WFDC10B: variants seen among roughly 807,000 people sequenced by gnomAD.
WFDC10B encodes the protein WAP four-disulfide core domain 10B, also known as protein WFDC10B.
A neutral mutation model predicts 2.7 loss-of-function variants in WFDC10B; 1 was observed. The ratio of observed to expected loss-of-function variants is 0.38; its 90% CI spans 0.13 to 1.79. The LOEUF (loss-of-function observed/expected upper bound fraction) is 1.79, where lower values mean the gene tolerates loss of function less well. Ranked by LOEUF, WFDC10B falls within the 40% of genes most tolerant of loss-of-function variation. WFDC10B has a pLI of 0.33. For synonymous variants in WFDC10B, 26 were observed against 32.2 expected, an observed-to-expected ratio of 0.81 and a Z score of 0.65; for missense variants, 71 against 87.8, an observed-to-expected ratio of 0.81 and a Z score of 0.76.
intron 2 of WFDC10B, among the ~76,000 whole-genome samples, chr20:45,689,834 T>A (rs1308701395): frequency 6.6e-6 from 1 of 152,208 alleles, no homozygotes; most frequent in East Asian, 1.9e-4. Context: ...ACACTTTATT[T>A]CCTTCTCCTG....
chr20:45,688,938 T>C (rs1381739318), intron 2 of WFDC10B, among the ~76,000 whole-genome samples: 2 of 151,962 alleles, frequency 1.3e-5, no homozygotes, highest in Non-Finnish European at 2.9e-5. Context: ...TGAATGGTAA[T>C]GCCTAGGTTT....
In WFDC10B at chr20:45,704,556, G is replaced by A. The variant is rs1984308284; in HGVS notation, c.-124C>T. 7 of 1,614,148 alleles carry A rather than the reference G, an allele frequency of 4.3e-6. No homozygotes were observed. The East Asian group carries it at 1.1e-4, about 26-fold the overall frequency. The stretch of plus-strand genomic sequence containing the variant: ...TTCAGTGCTGTTCCTCCTTCTGTGG[G>A]ATAGTCTGTTCATCAGAAACATTTC... On this transcript the variant is annotated 5_prime_UTR_variant, in exon 2 of 4. Coordinates refer to ENST00000330523, the MANE Select transcript of WFDC10B (RefSeq NM_172006.2).
Position 45,684,868 on chromosome 20 carries a change from A to G in WFDC10B, c.184T>C (p.Ser62Pro). 1.2e-6 allele frequency: 2 copies of G among 1,614,040 alleles called. No homozygotes were observed. The highest frequency in any genetic ancestry group is 2.7e-5 in the African/African-American group (2 of 75,018). ...QKCETNKICCSAFCGNICMSI... is the reference protein window; with the variant it reads ...QKCETNKICCPAFCGNICMSI... ...ATACAAATGTTCCCACAGAAGGCTGAACAGCATATCTTATTTGTTTCACAC... is the reference window on the plus strand; with the variant it reads ...ATACAAATGTTCCCACAGAAGGCTGGACAGCATATCTTATTTGTTTCACAC... The change falls in exon 4 of 4, where the codon TCA becomes CCA. Residue 62 changes from serine to proline, a missense_variant. Physicochemically the swap from Ser to Pro is moderately conservative, Grantham distance 74. Coordinates refer to ENST00000330523, the MANE Select transcript of WFDC10B (RefSeq NM_172006.2).
chr20:45,700,275 G>A (rs1256861070), intron 2 of WFDC10B, among the ~76,000 whole-genome samples: 4 of 152,130 alleles, frequency 2.6e-5, no homozygotes, highest in African/African-American at 9.7e-5. Flanking sequence ...AAACAGAGTT[G>A]AGAGTTCAAG....
In WFDC10B at chr20:45,704,429, T is replaced by C. The variant is rs553727032; in HGVS notation, c.-65+68A>G. On this transcript the variant is annotated intron_variant, in intron 2 of 3. Coordinates refer to ENST00000330523, the MANE Select transcript of WFDC10B (RefSeq NM_172006.2). Reference sequence around the variant, plus strand: ...CTGTTGGTGAGGCCCTTCTCTTACTTGTTCTGTGTTCCAGAGTATATCTTG... The same window carrying C: ...CTGTTGGTGAGGCCCTTCTCTTACTCGTTCTGTGTTCCAGAGTATATCTTG... 442 of 1,607,730 alleles carry C rather than the reference T, an allele frequency of 2.7e-4. 4 individuals carry two copies. In the South Asian group the frequency reaches 4.5e-3, roughly 16 times the overall value.
intron 2 of WFDC10B, among the ~76,000 whole-genome samples, chr20:45,703,932 A>G (rs541375268): frequency 6.6e-6 from 1 of 152,258 alleles, no homozygotes; most frequent in South Asian, 2.1e-4. Flanking sequence ...CTGATCCAGT[A>G]CCTTCAGTTT....
At chr20:45,686,670 CTT>C (rs533781458) in intron 2 of WFDC10B, among the ~76,000 whole-genome samples, 10 of 143,454 alleles carry the variant, frequency 7.0e-5, no homozygotes, top group Non-Finnish European at 1.1e-4. Context: ...ATAAATTCTT[CTT>C]TTTTTTTTTT....
chr20:45,684,703 G>A lies in WFDC10B; in HGVS notation c.*127C>T, dbSNP rs1483015301. 31 of 1,299,332 alleles carry A rather than the reference G, an allele frequency of 2.4e-5. No individual in the cohort carries two copies. The East Asian group carries it at 6.2e-4, about 26-fold the overall frequency. The allele number at this position is 1,299,332 out of a possible 1,614,324, so 80.5% of individuals were successfully genotyped here. A position where few individuals can be genotyped will look rare whatever the true frequency, so the allele number is the denominator to read the frequency against. ...GACAGGGACAGGGAGTTCAGACACT[G>A]GGGAGGGTGGCATTCCTGTTGATGT... On this transcript the variant is annotated 3_prime_UTR_variant, in exon 4 of 4. Transcript: ENST00000330523.
intron 2 of WFDC10B, among the ~76,000 whole-genome samples, chr20:45,687,465 A>G (rs1039774536): frequency 2.0e-5 from 3 of 152,168 alleles, no homozygotes; most frequent in Non-Finnish European, 4.4e-5. Context: ...TAGTGCTGCA[A>G]TGAACATATG....
At chr20:45,687,995 G>A (rs1222642456) in intron 2 of WFDC10B, among the ~76,000 whole-genome samples, 1 of 148,646 alleles carries the variant, frequency 6.7e-6, no homozygotes, top group Non-Finnish European at 1.5e-5. Context: ...TCTAGCATTA[G>A]GTATATCTCC....
chr20:45,689,387 G>T (rs991755041), intron 2 of WFDC10B, among the ~76,000 whole-genome samples: 1 of 151,656 alleles, frequency 6.6e-6, no homozygotes, highest in Non-Finnish European at 1.5e-5. Context: ...GAAAGTCATT[G>T]GTAGCTTGAT....
intron 2 of WFDC10B, 128 bp from the exon 3 acceptor site, chr20:45,686,184 T>C (rs1250724983): frequency 5.5e-5 from 61 of 1,114,056 alleles, no homozygotes; most frequent in Non-Finnish European, 7.2e-5. Context: ...TCCTTCTCCA[T>C]GTAGGATAGG....
chr20:45,695,976 C>G (rs1458641465), intron 2 of WFDC10B, among the ~76,000 whole-genome samples: 2 of 151,620 alleles, frequency 1.3e-5, no homozygotes, highest in African/African-American at 4.9e-5. Context: ...AAATCTATAA[C>G]TGTAAATACT....
intron 2 of WFDC10B, among the ~76,000 whole-genome samples, chr20:45,686,326 A>G (rs1983616797): frequency 6.6e-6 from 1 of 152,238 alleles, no homozygotes; most frequent in Non-Finnish European, 1.5e-5. Context: ...GGAAAAAAGA[A>G]AAGAAGAAAT....
At chr20:45,703,717 T>C (rs927827758) in intron 2 of WFDC10B, among the ~76,000 whole-genome samples, 16 of 151,982 alleles carry the variant, frequency 1.1e-4, no homozygotes, top group Admixed American at 1.0e-3. Context: ...TACTTGGGGG[T>C]AGGGGAGGAA....
At chr20:45,702,246 A>C in intron 2 of WFDC10B, 1 of 1,587,700 alleles carries the variant, frequency 6.3e-7, no homozygotes, top group Non-Finnish European at 8.6e-7. Context: ...GAGGGAAGTA[A>C]CATGTGTGGA....
chr20:45,691,285 TGTG>T (rs1435530324), intron 2 of WFDC10B, among the ~76,000 whole-genome samples: 1 of 152,156 alleles, frequency 6.6e-6, no homozygotes, highest in Non-Finnish European at 1.5e-5. Context: ...ATAGGTGTGT[TGTG>T]GTGCTGAAAA....
intron 2 of WFDC10B, among the ~76,000 whole-genome samples, chr20:45,695,718 A>C (rs1275568900): frequency 6.6e-6 from 1 of 152,058 alleles, no homozygotes; most frequent in Non-Finnish European, 1.5e-5. Flanking sequence ...AGGCATGTTG[A>C]CTCATGCCTG....
Position 45,684,683 on chromosome 20 carries a change from G to T in WFDC10B, c.*147C>A. On this transcript the variant is annotated 3_prime_UTR_variant, in exon 4 of 4. Transcript: ENST00000330523. ...GCATTTGTTCTGGTTTATTTGACAG[G>T]GACAGGGAGTTCAGACACTGGGGAG... The T allele has an allele frequency of 9.2e-7, 1 of 1,083,656 alleles. No homozygotes were observed. Among genetic ancestry groups the T allele is most frequent in the Non-Finnish European group, 1.3e-6 (1 of 752,470 alleles). The allele number at this position is 1,083,656 out of a possible 1,614,324, so 67.1% of individuals were successfully genotyped here.
Sources: gnomAD v4.1 joint callset for allele counts (sites outside exome capture counted in the v4.1 genomes callset) on GRCh38, gnomAD v4.1.1 for gene constraint, MANE v1.5 for transcripts, NCBI Gene and HGNC (gene_info 2026-07-23, HGNC 2026-07-21) for gene names.